The following TMPRSS11F variants were observed in gnomAD, a reference collection of about 807,000 sequenced individuals.
The protein encoded by TMPRSS11F is transmembrane serine protease 11F, also known as transmembrane protease serine 11F.
TMPRSS11F carries 47 observed loss-of-function variants against 60.2 expected under a neutral mutation model. That is an observed-to-expected ratio of 0.78 (90% CI 0.62 to 1.00). TMPRSS11F has a LOEUF of 1.00. Ranked by LOEUF, TMPRSS11F falls within the 50% of genes least tolerant of loss-of-function variation. The pLI is 0.00. For missense variants in TMPRSS11F, 519 were observed against 522.9 expected (o/e 0.99, Z 0.07); for synonymous variants, 166 against 167.3 (o/e 0.99, Z 0.06).
intron 1 of TMPRSS11F, among the ~76,000 whole-genome samples, chr4:68,117,641 T>C (rs910431224): frequency 2.0e-5 from 3 of 152,034 alleles, no homozygotes; most frequent in Admixed American, 1.3e-4. Flanking sequence ...GTTAGGATGG[T>C]TGTTAGGTTG....
intron 3 of TMPRSS11F, among the ~76,000 whole-genome samples, chr4:68,084,497 G>A (rs1444668311): frequency 1.3e-5 from 2 of 152,094 alleles, no homozygotes; most frequent in Non-Finnish European, 2.9e-5. Flanking sequence ...AAGAGGCTGG[G>A]GACATATTTT....
chr4:68,063,729 C>G (rs1723257254), intron 8 of TMPRSS11F, among the ~76,000 whole-genome samples: 1 of 152,098 alleles, frequency 6.6e-6, no homozygotes, highest in Non-Finnish European at 1.5e-5. Flanking sequence ...ATCTTAAGTT[C>G]TGGTGTTTAA....
intron 8 of TMPRSS11F, chr4:68,062,706 G>A (rs756244031): frequency 1.3e-6 from 1 of 746,718 alleles, no homozygotes; most frequent in South Asian, 1.3e-5. Flanking sequence ...GACAGCATGA[G>A]TGTCACATGA....
chr4:68,059,892 C>T (rs1354034816), intron 8 of TMPRSS11F, among the ~76,000 whole-genome samples: 1 of 152,098 alleles, frequency 6.6e-6, no homozygotes, highest in African/African-American at 2.4e-5. Flanking sequence ...CTGCACAGAT[C>T]TCTTCACCCT....
intron 1 of TMPRSS11F, among the ~76,000 whole-genome samples, chr4:68,122,896 T>C (rs1724649333): frequency 6.6e-6 from 1 of 152,206 alleles, no homozygotes; most frequent in African/African-American, 2.4e-5. Context: ...GACTTACCAT[T>C]ATCAGAAATA....
intron 2 of TMPRSS11F, among the ~76,000 whole-genome samples, chr4:68,091,769 C>A (rs146543885): frequency 0.5 from 58,509 of 118,006 alleles, 13,147 homozygotes; most frequent in Non-Finnish European, 0.61. Context: ...CTCTCTCTCT[C>A]TCTCTCTCTC....
intron 8 of TMPRSS11F, chr4:68,063,264 G>C: frequency 1.8e-6 from 1 of 566,762 alleles, no homozygotes; most frequent in Non-Finnish European, 3.5e-6. Context: ...ACCTTCAATC[G>C]CCATGATGAG....
intron 2 of TMPRSS11F, 114 bp downstream of exon 2, chr4:68,098,772 AG>A (rs1724130198): frequency 3.1e-6 from 3 of 980,424 alleles, no homozygotes; most frequent in South Asian, 3.6e-5. Context: ...CATCAGTAAA[AG>A]ACTGGTAATT....
In TMPRSS11F at chr4:68,068,538, A is replaced by G. The variant is rs1577913875; in HGVS notation, c.755+80T>C. 4 of 1,240,044 alleles carry G rather than the reference A, an allele frequency of 3.2e-6. No individual in the cohort carries two copies. The East Asian group carries it at 9.3e-5, about 29-fold the overall frequency. 76.8% of individuals were successfully genotyped at this position (1,240,044 alleles called of 1,614,324 possible). A position where few individuals can be genotyped will look rare whatever the true frequency, so the allele number is the denominator to read the frequency against. On this transcript the variant is annotated intron_variant, in intron 7 of 9. Transcript: ENST00000356291. ...ATGGAGCAAAGGTTAAACTGGAGAG[A>G]CTGGACTCTTCTGATGCGCTAAATC... is the stretch of plus-strand genomic sequence containing the variant.
At chr4:68,084,370 G>A (rs1723765992) in intron 3 of TMPRSS11F, among the ~76,000 whole-genome samples, 1 of 152,140 alleles carries the variant, frequency 6.6e-6, no homozygotes, top group Admixed American at 6.6e-5. Flanking sequence ...ACAGTCGTCA[G>A]ATTCACCAAG....
chr4:68,057,612 G>T (rs1431971566), intron 9 of TMPRSS11F, among the ~76,000 whole-genome samples: 1 of 152,096 alleles, frequency 6.6e-6, no homozygotes, highest in Non-Finnish European at 1.5e-5. Flanking sequence ...CCATATATTT[G>T]ATAAGGGCTT....
chr4:68,084,430 A>C (rs1038930714), intron 3 of TMPRSS11F, among the ~76,000 whole-genome samples: 17 of 152,332 alleles, frequency 1.1e-4, no homozygotes, highest in African/African-American at 4.1e-4. Flanking sequence ...GAGACGGGTC[A>C]GGTCACTTAT....
At chr4:68,128,395 C>A (rs1329152000) in intron 1 of TMPRSS11F, among the ~76,000 whole-genome samples, 2 of 152,004 alleles carry the variant, frequency 1.3e-5, no homozygotes, top group Non-Finnish European at 2.9e-5. Flanking sequence ...CTATGTACCC[C>A]ATAAATACGT....
chr4:68,080,392 T>C (rs1184537938), intron 3 of TMPRSS11F: 1 of 152,224 alleles, frequency 6.6e-6, no homozygotes, highest in Admixed American at 6.5e-5. Flanking sequence ...AGATATTTGT[T>C]CTCTATCCAA....
intron 1 of TMPRSS11F, among the ~76,000 whole-genome samples, chr4:68,126,468 T>C (rs969299844): frequency 1.3e-5 from 2 of 152,364 alleles, no homozygotes; most frequent in South Asian, 4.1e-4. Context: ...ACTTACTTTC[T>C]GAATTACTGA....
intron 1 of TMPRSS11F, 138 bp from the exon 2 acceptor site, chr4:68,099,176 G>C (rs1224555212): frequency 1.5e-6 from 1 of 682,542 alleles, no homozygotes; most frequent in East Asian, 3.1e-5. Context: ...AAGAACAGTA[G>C]GTTTTAATTT....
At chr4:68,055,460 G>A (rs11733984) in intron 9 of TMPRSS11F, among the ~76,000 whole-genome samples, 34,529 of 152,050 alleles carry the variant, frequency 0.23, 4,369 homozygotes, top group Admixed American at 0.37. Flanking sequence ...AAATGGTGAT[G>A]CAGAAATATT....
At chr4:68,072,224 A>ATATATATATATATATATATATATATATAT (rs1553885908) in intron 5 of TMPRSS11F, 99 bp downstream of exon 5, 1 of 40,402 alleles carries the variant, frequency 2.5e-5, no homozygotes. Context: ...TATCTTCCAA[A>ATATATATATATATATATATATATATATAT]AAAAAAATAT....
At chr4:68,099,361 T>A (rs2109871853) in intron 1 of TMPRSS11F, among the ~76,000 whole-genome samples, 1 of 152,322 alleles carries the variant, frequency 6.6e-6, no homozygotes, top group Non-Finnish European at 1.5e-5. Context: ...TAACTACTTT[T>A]AAAATAACCT....
Sources: gnomAD v4.1 joint callset for allele counts (sites outside exome capture counted in the v4.1 genomes callset) on GRCh38, gnomAD v4.1.1 for gene constraint, MANE v1.5 for transcripts, NCBI Gene and HGNC (gene_info 2026-07-23, HGNC 2026-07-21) for gene names.